Variants in DENND5A observed in about 807,000 individuals in gnomAD.
DENND5A encodes the protein DENN domain containing 5A.
In DENND5A, 64 loss-of-function variants were observed where a neutral mutation model predicts 140.3. The ratio of observed to expected loss-of-function variants is 0.46; its 90% confidence interval spans 0.37 to 0.56. DENND5A has a LOEUF of 0.56. Among genes scored for constraint, DENND5A ranks in the 20% least tolerant of loss-of-function variants. DENND5A has a pLI of 0.00. For synonymous variants in DENND5A, 605 were observed against 607.7 expected (o/e 1.00, Z 0.07); for missense variants, 1,292 against 1,593.8 (o/e 0.81, Z 3.22).
At chr11:9,161,054 T>G (rs1590218868) in intron 11 of DENND5A, among the ~76,000 whole-genome samples, 189 bp from the exon 12 acceptor site, 3 of 152,098 alleles carry the variant, frequency 2.0e-5, no homozygotes, top group East Asian at 1.9e-4. Flanking sequence ...CTTTAAAAAT[T>G]TAGTTAAGAA....
intron 18 of DENND5A, 131 bp from the exon 19 acceptor site, chr11:9,144,409 G>T: frequency 1.1e-6 from 1 of 874,142 alleles, no homozygotes; most frequent in Non-Finnish European, 1.8e-6. Context: ...TGCTCTGCTG[G>T]TTCCACCATG....
chr11:9,159,358 TTGCCTAGGC>T (rs1847906845), intron 12 of DENND5A, among the ~76,000 whole-genome samples: 1 of 151,576 alleles, frequency 6.6e-6, no homozygotes, highest in Non-Finnish European at 1.5e-5. Flanking sequence ...TTCACTCTTG[TTGCCTAGGC>T]TGGAGTGCAA....
intron 6 of DENND5A, among the ~76,000 whole-genome samples, chr11:9,180,418 A>G (rs909089323): frequency 1.3e-5 from 2 of 152,090 alleles, no homozygotes; most frequent in Admixed American, 6.6e-5. Flanking sequence ...GTGCCACCAC[A>G]CTCCAGCCTG....
intron 8 of DENND5A, among the ~76,000 whole-genome samples, chr11:9,173,970 G>T (rs1848459444): frequency 6.6e-6 from 1 of 151,712 alleles, no homozygotes; most frequent in South Asian, 2.1e-4. Context: ...CTGCGCAGTG[G>T]CGAGCGCCTG....
At chr11:9,230,217 T>C (rs1285466949) in intron 1 of DENND5A, among the ~76,000 whole-genome samples, 1 of 147,350 alleles carries the variant, frequency 6.8e-6, no homozygotes, top group Non-Finnish European at 1.5e-5. Flanking sequence ...CCCCATTTCA[T>C]GTAAAACTAA....
At chr11:9,229,339 G>A (rs1850665528) in intron 1 of DENND5A, among the ~76,000 whole-genome samples, 1 of 152,030 alleles carries the variant, frequency 6.6e-6, no homozygotes. Flanking sequence ...GTAATGCATG[G>A]TATTGAGGCT....
At chr11:9,203,417 G>C (rs777069104) in intron 4 of DENND5A, 3 of 447,968 alleles carry the variant, frequency 6.7e-6, no homozygotes, top group Non-Finnish European at 1.2e-5. Context: ...AATCAGAAGG[G>C]ACATAGGAAG....
At chr11:9,246,399 T>C (rs1195773601) in intron 1 of DENND5A, among the ~76,000 whole-genome samples, 2 of 151,862 alleles carry the variant, frequency 1.3e-5, no homozygotes, top group East Asian at 3.9e-4. Flanking sequence ...GATCATGAGG[T>C]CAGGAGATTG....
intron 4 of DENND5A, among the ~76,000 whole-genome samples, chr11:9,196,306 T>A (rs1849326436): frequency 2.6e-5 from 4 of 152,114 alleles, no homozygotes; most frequent in Admixed American, 2.6e-4. Flanking sequence ...AATCACTCTA[T>A]AAATAAGCCC....
At chr11:9,242,219 C>G (rs939559644) in intron 1 of DENND5A, among the ~76,000 whole-genome samples, 2 of 152,044 alleles carry the variant, frequency 1.3e-5, no homozygotes, top group Admixed American at 6.6e-5. Flanking sequence ...ATTGATGTGT[C>G]TTAAGAACCT....
intron 2 of DENND5A, chr11:9,207,308 A>C (rs903844540): frequency 5.9e-6 from 3 of 508,688 alleles, no homozygotes; most frequent in African/African-American, 5.8e-5. Context: ...AATTACTTGA[A>C]ATTTCTGGAA....
chr11:9,198,324 A>G (rs977903510), intron 4 of DENND5A, among the ~76,000 whole-genome samples: 2 of 151,628 alleles, frequency 1.3e-5, no homozygotes, highest in African/African-American at 4.8e-5. Context: ...AAAAAAAAAA[A>G]GTAACCAGGG....
intron 1 of DENND5A, among the ~76,000 whole-genome samples, chr11:9,235,672 G>GA (rs1267371171): frequency 6.8e-6 from 1 of 146,738 alleles, no homozygotes; most frequent in Non-Finnish European, 1.5e-5. Flanking sequence ...AAAAAAAAAA[G>GA]AAAAAAAATC....
At position 9,235,112 on chromosome 11, in the gene DENND5A, T is replaced by C. The variant is rs1590316500; in HGVS notation, c.110-27480A>G. Among the ~76,000 whole-genome samples, 2 of 152,294 alleles carry C rather than the reference T, an allele frequency of 1.3e-5. 1 individual carries two copies. Among genetic ancestry groups the C allele is most frequent in the South Asian group, 4.1e-4 (2 of 4,824 alleles). On this transcript the variant is annotated intron_variant, in intron 1 of 22. Coordinates refer to ENST00000328194, the MANE Select transcript of DENND5A (RefSeq NM_015213.4). The stretch of plus-strand genomic sequence containing the variant: ...GTTACTATAAAGTTCAGAGTTACTA[T>C]ATGACCCATCAATTCCATTCTTGGA...
In DENND5A at chr11:9,254,931, C is replaced by T. The variant is rs182940936; in HGVS notation, c.109+10030G>A. On this transcript the variant is annotated intron_variant, in intron 1 of 22. Coordinates refer to ENST00000328194, the MANE Select transcript of DENND5A (RefSeq NM_015213.4). ...ACTAAAAATACAAAAATTAGCTGGG[C>T]GTGATGGCAGATGCATGTAATCCCA... Among the ~76,000 whole-genome samples, 15 of 151,706 alleles carry T rather than the reference C, an allele frequency of 9.9e-5. No homozygotes were observed. The East Asian group carries it at 2.5e-3, about 26-fold the overall frequency.
chr11:9,223,443 G>A (rs1352784440), intron 1 of DENND5A, among the ~76,000 whole-genome samples: 1 of 152,156 alleles, frequency 6.6e-6, no homozygotes. Context: ...GGGAGGCTGA[G>A]GCAAGAGAAA....
chr11:9,207,584 G>T lies in DENND5A; in HGVS notation c.158C>A (p.Pro53His), dbSNP rs1472591539. Residue 53 changes from proline to histidine, a missense_variant, in exon 2 of 23, where the codon CCT (proline) becomes CAT (histidine). Pro to His is a moderately conservative substitution (Grantham distance 77). Coordinates refer to ENST00000328194, the MANE Select transcript of DENND5A (RefSeq NM_015213.4). ...QASKARDGASPFISSTTEGEN... is the reference protein window; with the variant it reads ...QASKARDGASHFISSTTEGEN... ...ACCTTCAGTCGTACTTGAAATGAAA[G>T]GGCTGGCACCATCCCTGGCTTTAGA... is the stretch of plus-strand genomic sequence containing the variant. The T allele has an allele frequency of 1.9e-6, 3 of 1,613,242 alleles. No individual in the cohort carries two copies. In the African/African-American group the frequency reaches 4.0e-5, roughly 22 times the overall value.
In DENND5A at chr11:9,248,814, A is replaced by G. The variant is rs539766840; in HGVS notation, c.109+16147T>C. Among the ~76,000 whole-genome samples, 7 of 152,316 alleles carry G rather than the reference A, an allele frequency of 4.6e-5. No individual in the cohort carries two copies. The South Asian group carries it at 1.2e-3, about 27-fold the overall frequency. On this transcript the variant is annotated intron_variant, in intron 1 of 22. Coordinates refer to ENST00000328194, the MANE Select transcript of DENND5A (RefSeq NM_015213.4). ...ATAAAATATTTAGTTTTCTTCAACAATATTAACAATATATCCCAAAATTAG... is the reference window on the plus strand; with the variant it reads ...ATAAAATATTTAGTTTTCTTCAACAGTATTAACAATATATCCCAAAATTAG...
At chr11:9,193,707 A>G (rs372847484) in intron 4 of DENND5A, 26 bp from the exon 5 acceptor site, 6 of 1,581,884 alleles carry the variant, frequency 3.8e-6, no homozygotes, top group Non-Finnish European at 5.2e-6. Flanking sequence ...CAAAAAAAGC[A>G]CACACACAAA....
Sources: gnomAD v4.1 joint callset for allele counts (sites outside exome capture counted in the v4.1 genomes callset) on GRCh38, gnomAD v4.1.1 for gene constraint, MANE v1.5 for transcripts, NCBI Gene and HGNC (gene_info 2026-07-23, HGNC 2026-07-21) for gene names.